DOP1B: variants seen among roughly 807,000 people sequenced by gnomAD.
DOP1B encodes the protein protein DOP1B.
Under a neutral mutation model 233.5 loss-of-function variants are expected in DOP1B, and 174 were observed. The ratio of observed to expected loss-of-function variants is 0.75; its 90% confidence interval spans 0.66 to 0.85. The LOEUF (loss-of-function observed/expected upper bound fraction) is 0.85. Among genes scored for constraint, DOP1B ranks in the 40% least tolerant of loss-of-function variants. The pLI, the probability that DOP1B is intolerant of heterozygous loss-of-function variation, is 0.00. For missense variants in DOP1B, 2,652 were observed against 2,846.6 expected (o/e 0.93, Z 1.56); for synonymous variants, 1,190 against 1,185.6 (o/e 1.00, Z -0.08).
At chr21:36,264,148 C>T (rs1480582246) in intron 26 of DOP1B, among the ~76,000 whole-genome samples, 5 of 152,208 alleles carry the variant, frequency 3.3e-5, no homozygotes, top group African/African-American at 1.2e-4. Context: ...CCCCCAGACG[C>T]GGTGGCGCAT....
At chr21:36,260,310 T>G (rs2067156019) in intron 23 of DOP1B, among the ~76,000 whole-genome samples, 2 of 151,950 alleles carry the variant, frequency 1.3e-5, no homozygotes. Context: ...ATTAGAATTT[T>G]TTCTTGCCTC....
At chr21:36,229,390 T>C (rs1369071330) in intron 13 of DOP1B, among the ~76,000 whole-genome samples, 4 of 152,302 alleles carry the variant, frequency 2.6e-5, no homozygotes, top group Non-Finnish European at 4.4e-5. Context: ...TTCCTCGGCT[T>C]GTCCAGGCAT....
intron 16 of DOP1B, 31 bp downstream of exon 16, chr21:36,237,445 G>A (rs1482434156): frequency 1.2e-6 from 2 of 1,611,728 alleles, no homozygotes; most frequent in East Asian, 2.2e-5. Context: ...CCTCCATCCT[G>A]CAGCACCCCG....
At chr21:36,293,247 A>G (rs2146263828) in intron 36 of DOP1B, 73 bp from the exon 37 acceptor site, 7 of 1,513,064 alleles carry the variant, frequency 4.6e-6, no homozygotes, top group East Asian at 2.3e-5. Flanking sequence ...GTTTTGCCAC[A>G]TGCATGTGCT....
intron 5 of DOP1B, among the ~76,000 whole-genome samples, chr21:36,209,332 G>T (rs909619371): frequency 6.6e-6 from 1 of 152,198 alleles, no homozygotes; most frequent in African/African-American, 2.4e-5. Flanking sequence ...ATGTTGGCCA[G>T]GATGGTCTCG....
At chr21:36,185,838 G>A (rs2066159118) in intron 2 of DOP1B, among the ~76,000 whole-genome samples, 2 of 152,234 alleles carry the variant, frequency 1.3e-5, no homozygotes, top group African/African-American at 2.4e-5. Flanking sequence ...ATAAGGGGCA[G>A]CATTTGCACA....
rs370813609 is a variant in DOP1B at position 36,237,773 on chromosome 21, C to T, written c.2775+359C>T. On this transcript the variant is annotated intron_variant, in intron 16 of 36. Coordinates refer to ENST00000691173, the MANE Select transcript of DOP1B (RefSeq NM_001320714.2). ...GAAGCAGGGCGTGGTGGCTCACACC[C>T]GTAATCCCAGCATTTTGGGAGGCTG... Among the ~76,000 whole-genome samples the T allele has an allele frequency of 4.7e-4, 72 of 152,238 alleles. 1 individual carries two copies. Among genetic ancestry groups the T allele is most frequent in the Middle Eastern group, 3.4e-3 (1 of 294 alleles).
chr21:36,258,056 T>A (rs2067128268), intron 23 of DOP1B, among the ~76,000 whole-genome samples: 1 of 151,008 alleles, frequency 6.6e-6, no homozygotes, highest in East Asian at 2.0e-4. Flanking sequence ...GGTAGATAGA[T>A]GTAGGTAGGT....
intron 2 of DOP1B, among the ~76,000 whole-genome samples, chr21:36,195,937 T>C (rs2066286090): frequency 6.6e-6 from 1 of 152,228 alleles, no homozygotes; most frequent in Non-Finnish European, 1.5e-5. Flanking sequence ...AAAAGAGAAG[T>C]GATAAGCTAT....
chr21:36,266,421 G>A (rs956877922), intron 26 of DOP1B, among the ~76,000 whole-genome samples: 3 of 152,058 alleles, frequency 2.0e-5, no homozygotes, highest in African/African-American at 4.8e-5. Flanking sequence ...TGATCCAGCC[G>A]CCTCAGCCTC....
chr21:36,225,225 G>T (rs946723935), intron 11 of DOP1B, among the ~76,000 whole-genome samples: 1 of 151,708 alleles, frequency 6.6e-6, no homozygotes, highest in Non-Finnish European at 1.5e-5. Context: ...GCAGGAAGAA[G>T]AATTGATTTT....
intron 35 of DOP1B, among the ~76,000 whole-genome samples, chr21:36,291,453 C>T (rs1015055486): frequency 8.6e-5 from 13 of 151,906 alleles, no homozygotes; most frequent in South Asian, 6.2e-4. Context: ...CCCAGCTACT[C>T]GGGAGGCTGA....
At chr21:36,263,722 A>C in intron 25 of DOP1B, 26 bp from the exon 26 acceptor site, 1 of 1,614,008 alleles carries the variant, frequency 6.2e-7, no homozygotes, top group Admixed American at 1.7e-5. Context: ...AGCATTTTTA[A>C]TCTGAAGCTG....
intron 1 of DOP1B, among the ~76,000 whole-genome samples, chr21:36,164,245 CT>C (rs942124723): frequency 1.3e-5 from 2 of 152,302 alleles, no homozygotes; most frequent in East Asian, 3.9e-4. Context: ...ATCACTTGAG[CT>C]TAGGAGGTCA....
rs746566834 is a variant in DOP1B, at chr21:36,230,433, C to T, written c.1666-17C>T. The T allele has an allele frequency of 1.9e-6, 3 of 1,590,240 alleles. No individual in the cohort carries two copies. Among genetic ancestry groups the T allele is most frequent in the Admixed American group, 1.7e-5 (1 of 57,350 alleles). ...GTGTTAAGAGATGCACAATTCACAT[C>T]TTTTTATTTTTTACAGAGTCCAGTA... On this transcript the variant is annotated splice_polypyrimidine_tract_variant and intron_variant, in intron 13 of 36. Coordinates refer to ENST00000691173, the MANE Select transcript of DOP1B (RefSeq NM_001320714.2).
At chr21:36,158,942 A>G (rs1411985008) in intron 1 of DOP1B, among the ~76,000 whole-genome samples, 1 of 151,764 alleles carries the variant, frequency 6.6e-6, no homozygotes, top group African/African-American at 2.4e-5. Flanking sequence ...AGCCTGGCCA[A>G]CATGGTGAAA....
intron 2 of DOP1B, among the ~76,000 whole-genome samples, chr21:36,192,471 C>T (rs1011991091): frequency 5.3e-5 from 8 of 151,304 alleles, no homozygotes; most frequent in Admixed American, 1.3e-4. Context: ...CCTCAACCTC[C>T]TGGGCTCTGG....
At chr21:36,184,804 G>A (rs566665621) in intron 2 of DOP1B, among the ~76,000 whole-genome samples, 1 of 152,346 alleles carries the variant, frequency 6.6e-6, no homozygotes, top group Admixed American at 6.5e-5. Context: ...CGCTGTGGGA[G>A]GTTGAGCCTG....
Position 36,245,716 on chromosome 21 carries a change from G to C in DOP1B, c.3736G>C (p.Val1246Leu). The C allele has an allele frequency of 6.2e-7, 1 of 1,613,798 alleles. No homozygotes were observed. The change falls in exon 19 of 37, where the codon GTG becomes CTG. Residue 1246 changes from valine (V) to leucine (L), a missense_variant. Val to Leu is a conservative substitution (Grantham distance 32, BLOSUM62 1). This residue lies in a region of DOP1B where 2,617 missense variants were observed against 2,794.3 expected (regional missense o/e 0.94). Transcript: ENST00000691173. This position sits in a 1 kb window ranked among gnomAD's most constrained non-coding sequence, Gnocchi z 5.5. ...DSRRVLYAFS[V>L]LEAVLKTNPK... Reference sequence around the variant, plus strand: ...TCGGCGGGTCCTCTATGCCTTCTCGGTGCTGGAGGCTGTGCTCAAAACCAA... The same window carrying C: ...TCGGCGGGTCCTCTATGCCTTCTCGCTGCTGGAGGCTGTGCTCAAAACCAA...
Sources: allele counts gnomAD v4.1 joint callset (sites outside exome capture counted in the v4.1 genomes callset), GRCh38; gene constraint gnomAD v4.1.1; regional missense constraint gnomAD v4.1.1; non-coding constraint Gnocchi (gnomAD v3.1); transcripts MANE v1.5; gene names NCBI Gene and HGNC (gene_info 2026-07-23, HGNC 2026-07-21).